The following TCERG1L variants were observed in gnomAD, a reference collection of about 807,000 sequenced individuals.
TCERG1L encodes the protein transcription elongation regulator 1 like, also known as transcription elongation regulator 1-like protein.
In TCERG1L, 37 loss-of-function variants were observed where a neutral mutation model predicts 56.3. The ratio of observed to expected loss-of-function variants is 0.66; its 90% CI spans 0.51 to 0.87. The LOEUF is 0.87. Ranked by LOEUF, TCERG1L falls within the 40% of genes least tolerant of loss-of-function variation. TCERG1L has a pLI of 0.00. For synonymous variants in TCERG1L, 324 were observed against 326.3 expected (o/e 0.99, Z 0.08); for missense variants, 799 against 774.2 (o/e 1.03, Z -0.38).
At chr10:131,117,667 G>A (rs1477246703) in intron 8 of TCERG1L, among the ~76,000 whole-genome samples, 1 of 152,148 alleles carries the variant, frequency 6.6e-6, no homozygotes, top group Non-Finnish European at 1.5e-5. Flanking sequence ...TGACCATGCC[G>A]GGCTGGGCAG....
At chr10:131,174,221 G>A (rs1846122742) in intron 4 of TCERG1L, among the ~76,000 whole-genome samples, 1 of 152,214 alleles carries the variant, frequency 6.6e-6, no homozygotes, top group Non-Finnish European at 1.5e-5. Flanking sequence ...GGACAGCACT[G>A]GGGGCTGCCA....
intron 4 of TCERG1L, among the ~76,000 whole-genome samples, chr10:131,204,050 GAGCGACCTCATGGA>G (rs1845487643): frequency 6.6e-6 from 1 of 152,232 alleles, no homozygotes; most frequent in Non-Finnish European, 1.5e-5. Context: ...TGGATGGAAT[GAGCGACCTCATGGA>G]AGGCCCGAAG....
At chr10:131,098,016 G>A (rs1845266975) in intron 11 of TCERG1L, among the ~76,000 whole-genome samples, 1 of 152,202 alleles carries the variant, frequency 6.6e-6, no homozygotes, top group African/African-American at 2.4e-5. Flanking sequence ...GTCAGTCAGG[G>A]CTGCTGACGT....
rs1031914535 is a variant in TCERG1L, at chr10:131,236,390, C to T, written c.856+23869G>A. Among the ~76,000 whole-genome samples, 40 of 152,158 alleles carry T rather than the reference C, an allele frequency of 2.6e-4. 1 individual carries two copies. Among genetic ancestry groups the T allele is most frequent in the African/African-American group, 8.4e-4 (35 of 41,434 alleles). On this transcript the variant is annotated intron_variant, in intron 4 of 11. Coordinates refer to ENST00000368642, the MANE Select transcript of TCERG1L (RefSeq NM_174937.4). ...AATCAGCCTCAGACAGGCAATGGACCACATGACACAGCCATGCTGACATTC... is the reference window on the plus strand; with the variant it reads ...AATCAGCCTCAGACAGGCAATGGACTACATGACACAGCCATGCTGACATTC...
chr10:131,245,704 C>T (rs914204880), intron 4 of TCERG1L, among the ~76,000 whole-genome samples: 1 of 152,218 alleles, frequency 6.6e-6, no homozygotes, highest in African/African-American at 2.4e-5. Context: ...CCTGCCACTG[C>T]TCCTCGGTAC....
At chr10:131,139,994 G>T (rs1278765163) in intron 7 of TCERG1L, among the ~76,000 whole-genome samples, 1 of 152,130 alleles carries the variant, frequency 6.6e-6, no homozygotes, top group East Asian at 1.9e-4. Flanking sequence ...TGAGTGGTGG[G>T]GAATATACCT....
chr10:131,299,660 GT>G (rs1169848789), intron 3 of TCERG1L, among the ~76,000 whole-genome samples: 1 of 152,050 alleles, frequency 6.6e-6, no homozygotes, highest in Non-Finnish European at 1.5e-5. Flanking sequence ...TTTATAGGCA[GT>G]TTTTTGTATA....
intron 4 of TCERG1L, among the ~76,000 whole-genome samples, chr10:131,248,542 C>T (rs140980496): frequency 6.6e-6 from 1 of 152,204 alleles, no homozygotes; most frequent in South Asian, 2.1e-4. Context: ...TTGCCTCCCC[C>T]ACGCAGGCCA....
chr10:131,295,023 T>G (rs1248565719), intron 3 of TCERG1L, among the ~76,000 whole-genome samples: 2 of 151,756 alleles, frequency 1.3e-5, no homozygotes, highest in Non-Finnish European at 2.9e-5. Context: ...ATCACTGTGG[T>G]ATTTTTTGTT....
intron 4 of TCERG1L, among the ~76,000 whole-genome samples, chr10:131,220,264 G>A (rs1051123505): frequency 1.3e-5 from 2 of 152,302 alleles, no homozygotes; most frequent in Admixed American, 1.3e-4. Context: ...CGCAGATGCC[G>A]TAGGTCAGGA....
At chr10:131,122,356 T>A (rs1845522601) in intron 8 of TCERG1L, among the ~76,000 whole-genome samples, 1 of 151,942 alleles carries the variant, frequency 6.6e-6, no homozygotes, top group South Asian at 2.1e-4. Context: ...GATTAGAGAG[T>A]TGGAATGTCC....
chr10:131,160,437 C>G (rs1366020531), intron 6 of TCERG1L, among the ~76,000 whole-genome samples: 1 of 151,934 alleles, frequency 6.6e-6, no homozygotes, highest in African/African-American at 2.4e-5. Flanking sequence ...CCACCTGAAG[C>G]CCCTGGCCCT....
Position 131,309,188 on chromosome 10 carries a change from T to C in TCERG1L, c.454A>G (p.Lys152Glu). 1 of 1,610,018 alleles carries C rather than the reference T, an allele frequency of 6.2e-7. No homozygotes were observed. Among genetic ancestry groups the C allele is most frequent in the Non-Finnish European group, 8.5e-7 (1 of 1,178,444 alleles). Reference sequence around the variant, plus strand: ...GGAATCCTTTTGTCTATCCAACTTTTCCCAATAGGGGTTGCAAGAGCAGAA... The same window carrying C: ...GGAATCCTTTTGTCTATCCAACTTTCCCCAATAGGGGTTGCAAGAGCAGAA... ...CPSALATPIG[K>E]SWIDKRIPNC... Residue 152 changes from lysine (K) to glutamate (E), a missense_variant, in exon 2 of 12, where the codon AAA (lysine) becomes GAA (glutamate). By Grantham distance (56) the Lys-to-Glu change is moderately conservative. Transcript: ENST00000368642.
intron 6 of TCERG1L, among the ~76,000 whole-genome samples, chr10:131,149,782 C>A (rs1845843760): frequency 6.6e-6 from 1 of 152,210 alleles, no homozygotes; most frequent in Admixed American, 6.5e-5. Flanking sequence ...TGCAGCTAGA[C>A]TCATCGATGA....
chr10:131,240,259 C>A (rs1845956014), intron 4 of TCERG1L, among the ~76,000 whole-genome samples: 1 of 152,150 alleles, frequency 6.6e-6, no homozygotes, highest in African/African-American at 2.4e-5. Flanking sequence ...CATCAGATCC[C>A]TAAAGGCAGG....
chr10:131,212,008 T>C (rs780431159), intron 4 of TCERG1L, among the ~76,000 whole-genome samples: 2 of 152,176 alleles, frequency 1.3e-5, no homozygotes, highest in Admixed American at 6.5e-5. Flanking sequence ...AAGCAAGAAT[T>C]AATGATAAGA....
intron 11 of TCERG1L, among the ~76,000 whole-genome samples, chr10:131,096,280 G>A (rs761165981): frequency 1.4e-4 from 21 of 152,132 alleles, no homozygotes; most frequent in Non-Finnish European, 2.8e-4. Flanking sequence ...TGCCTCCTCC[G>A]CCTCTGTCCC....
At chr10:131,281,863 G>A (rs898960000) in intron 3 of TCERG1L, among the ~76,000 whole-genome samples, 2 of 145,976 alleles carry the variant, frequency 1.4e-5, no homozygotes, top group Non-Finnish European at 3.0e-5. Flanking sequence ...CTGGCCGGGC[G>A]CGGTGGCTCA....
At chr10:131,216,762 T>C (rs1845673306) in intron 4 of TCERG1L, among the ~76,000 whole-genome samples, 1 of 152,184 alleles carries the variant, frequency 6.6e-6, no homozygotes, top group Non-Finnish European at 1.5e-5. Context: ...AAGATGTGTC[T>C]TGTGCTGGCT....
Sources: allele counts gnomAD v4.1 joint callset (sites outside exome capture counted in the v4.1 genomes callset), GRCh38; gene constraint gnomAD v4.1.1; transcripts MANE v1.5; gene names NCBI Gene and HGNC (gene_info 2026-07-23, HGNC 2026-07-21).